The following DMD variants were observed in gnomAD, a reference collection of about 807,000 sequenced individuals.
DMD encodes mutant dystrophin.
DMD carries 63 observed loss-of-function variants against 330.1 expected under a neutral mutation model. The observed-to-expected ratio is 0.19, with a 90% confidence interval of 0.16 to 0.24. DMD has a LOEUF of 0.24. DMD is among the 10% of genes least tolerant of loss of function. The pLI is 1.00. For synonymous variants in DMD, 1,223 were observed against 959.8 expected (o/e 1.27, Z -5.07); for missense variants, 3,344 against 2,684.1 (o/e 1.25, Z -5.43).
At position 31,559,640 on chromosome X, in the gene DMD, C is replaced by CAAAAAAAAAAAAAAA. The variant is rs1167550498; in HGVS notation, c.8218-52202_8218-52188dup. On this transcript the variant is annotated intron_variant, in intron 55 of 78. Coordinates refer to ENST00000357033, the MANE Select transcript of DMD (RefSeq NM_004006.3). The stretch of plus-strand genomic sequence containing the variant: ...TGGGCGACAGAGCGAAACTCCGTCT[C>CAAAAAAAAAAAAAAA]AAAAAAAAAAAAAAAAAAAAAAAAA... 2.8e-4 allele frequency among the ~76,000 whole-genome samples: 6 copies of CAAAAAAAAAAAAAAA among 21,638 alleles called. 1 individual carries two copies. Among genetic ancestry groups the CAAAAAAAAAAAAAAA allele is most frequent in the Non-Finnish European group, 5.2e-4 (5 of 9,547 alleles). 18.8% of individuals were successfully genotyped at this position (21,638 alleles called of 115,157 possible).
chrX:31,209,673 A>C lies in DMD; in HGVS notation c.9388T>G (p.Cys3130Gly), dbSNP rs932848232. The change falls in exon 65 of 79, where the codon TGT becomes GGT. Residue 3130 changes from cysteine to glycine, a missense_variant. Transcript: ENST00000357033. Reference sequence around the variant, plus strand: ...AGGTTGTGCTGGTCCAAGGCATCACATGCAGCTGACAGGCTCAAGAGATCC... The same window carrying C: ...AGGTTGTGCTGGTCCAAGGCATCACCTGCAGCTGACAGGCTCAAGAGATCC... Reference protein sequence around the residue: ...CLDLLSLSAACDALDQHNLKQ... With the variant: ...CLDLLSLSAAGDALDQHNLKQ... 5 of 1,209,770 alleles carry C rather than the reference A, an allele frequency of 4.1e-6. No individual in the cohort carries two copies. Among genetic ancestry groups the C allele is most frequent in the Non-Finnish European group, 3.4e-6 (3 of 895,162 alleles).
At chrX:32,798,519 G>A (rs1357621931) in intron 7 of DMD, among the ~76,000 whole-genome samples, 1 of 112,144 alleles carries the variant, frequency 8.9e-6, no homozygotes, top group Non-Finnish European at 1.9e-5. Flanking sequence ...ATATCTGAAT[G>A]TTAATATAAT....
intron 7 of DMD, among the ~76,000 whole-genome samples, chrX:32,762,057 G>A (rs2072374602): frequency 9.2e-6 from 1 of 108,823 alleles, no homozygotes; most frequent in Non-Finnish European, 1.9e-5. Flanking sequence ...GGCTGAGACA[G>A]GAGGAATCAT....
intron 55 of DMD, among the ~76,000 whole-genome samples, chrX:31,578,175 T>C (rs747320457): frequency 8.9e-6 from 1 of 111,774 alleles, no homozygotes; most frequent in East Asian, 2.8e-4. Flanking sequence ...AGGTTATCTG[T>C]AGGCATCAGA....
chrX:32,546,999 A>G (rs984777984), intron 16 of DMD, among the ~76,000 whole-genome samples: 8 of 112,121 alleles, frequency 7.1e-5, no homozygotes, highest in African/African-American at 2.6e-4. Flanking sequence ...TTTTTTAACC[A>G]TGAGAAAACT....
At chrX:31,626,213 G>A (rs1386704371) in intron 55 of DMD, among the ~76,000 whole-genome samples, 1 of 111,018 alleles carries the variant, frequency 9.0e-6, no homozygotes, top group Non-Finnish European at 1.9e-5. Flanking sequence ...TCGAACTCCT[G>A]ACTTCAGGTG....
intron 76 of DMD, among the ~76,000 whole-genome samples, chrX:31,134,753 C>T (rs995294249): frequency 5.3e-5 from 6 of 112,475 alleles, no homozygotes; most frequent in Admixed American, 9.4e-5. Flanking sequence ...TGACTAGTTA[C>T]TTGAAATGTG....
chrX:32,658,824 G>C (rs139815772), intron 9 of DMD, among the ~76,000 whole-genome samples: 4 of 111,334 alleles, frequency 3.6e-5, no homozygotes, highest in Non-Finnish European at 7.5e-5. Context: ...ACTTTAAGTC[G>C]GCCTCACTTT....
chrX:31,709,798 T>C (rs188312233), intron 52 of DMD, among the ~76,000 whole-genome samples: 5 of 111,814 alleles, frequency 4.5e-5, no homozygotes, highest in Admixed American at 1.9e-4. Flanking sequence ...CTATTATATA[T>C]GTCTACTTCT....
At chrX:31,311,282 G>T (rs746092535) in intron 62 of DMD, among the ~76,000 whole-genome samples, 1 of 111,293 alleles carries the variant, frequency 9.0e-6, no homozygotes, top group East Asian at 2.8e-4. Flanking sequence ...CAAAATCAAG[G>T]ACATGCACAA....
chrX:32,483,130 G>T, intron 21 of DMD, among the ~76,000 whole-genome samples: 1 of 45,171 alleles, frequency 2.2e-5, no homozygotes. Flanking sequence ...AATTTCATAT[G>T]CTACATTTTT....
chrX:32,754,185 T>TTTTAC (rs60058244), intron 7 of DMD, among the ~76,000 whole-genome samples: 1 of 111,611 alleles, frequency 9.0e-6, no homozygotes, highest in African/African-American at 3.3e-5. Context: ...TTTACATGTA[T>TTTTAC]GTAACTACAT....
intron 55 of DMD, among the ~76,000 whole-genome samples, chrX:31,589,640 T>A (rs1314836680): frequency 8.9e-6 from 1 of 111,843 alleles, no homozygotes; most frequent in African/African-American, 3.2e-5. Flanking sequence ...TAGATTGACA[T>A]TTATTGACCC....
rs2147261352 is a variant in DMD, at chrX:32,365,185, C to T, written c.4860G>A (p.Glu1620=). Residue 1620 remains glutamate (E), a synonymous_variant, in exon 35 of 79, where the codon GAG becomes GAA. Coordinates refer to ENST00000357033, the MANE Select transcript of DMD (RefSeq NM_004006.3). ...TCAGGTGCACCTTCTGTTTCTCAATCTCTTTTTGAGTAGCCTGTGAAAAGG... is the reference window on the plus strand; with the variant it reads ...TCAGGTGCACCTTCTGTTTCTCAATTTCTTTTTGAGTAGCCTGTGAAAAGG... ...EVAWGKATQK[E]IEKQKVHLKS... The T allele has an allele frequency of 1.7e-6, 2 of 1,210,694 alleles. No homozygotes were observed. Among genetic ancestry groups the T allele is most frequent in the Non-Finnish European group, 2.2e-6 (2 of 894,959 alleles).
chrX:32,582,849 T>G (rs1173937822), intron 13 of DMD, among the ~76,000 whole-genome samples: 2 of 111,542 alleles, frequency 1.8e-5, no homozygotes, highest in Non-Finnish European at 3.8e-5. Context: ...CTTTGAGATG[T>G]AAATCTTCTA....
intron 9 of DMD, among the ~76,000 whole-genome samples, chrX:32,658,909 T>C (rs2060769026): frequency 8.9e-6 from 1 of 112,070 alleles, no homozygotes; most frequent in Non-Finnish European, 1.9e-5. Flanking sequence ...TGGCAAAGTT[T>C]TTTAATTTCA....
chrX:32,773,996 G>GA (rs2073899745), intron 7 of DMD, among the ~76,000 whole-genome samples: 1 of 110,917 alleles, frequency 9.0e-6, no homozygotes, highest in African/African-American at 3.3e-5. Context: ...ATTACCAATG[G>GA]AAAAACACAT....
chrX:31,643,544 C>T (rs138146242), intron 54 of DMD, among the ~76,000 whole-genome samples: 43 of 111,805 alleles, frequency 3.8e-4, no homozygotes, highest in African/African-American at 1.3e-3. Flanking sequence ...ATTAAAGTAT[C>T]AGTGTAATTT....
At chrX:31,657,800 G>A (rs898175147) in intron 54 of DMD, among the ~76,000 whole-genome samples, 190 bp downstream of exon 54, 3 of 111,496 alleles carry the variant, frequency 2.7e-5, no homozygotes, top group African/African-American at 9.8e-5. Context: ...GCGGGCAAAT[G>A]AGATCTTATG....
Sources: allele counts gnomAD v4.1 joint callset (sites outside exome capture counted in the v4.1 genomes callset), GRCh38; gene constraint gnomAD v4.1.1; transcripts MANE v1.5; gene names NCBI Gene and HGNC (gene_info 2026-07-23, HGNC 2026-07-21).